FRMPD4: variants seen among roughly 807,000 people sequenced by gnomAD.
The protein encoded by FRMPD4 is FERM and PDZ domain-containing protein 4.
Under a neutral mutation model 94.1 loss-of-function variants are expected in FRMPD4, and 22 were observed. That is an observed-to-expected ratio of 0.23 (90% confidence interval 0.17 to 0.33). The LOEUF (loss-of-function observed/expected upper bound fraction) is 0.33. Among genes scored for constraint, FRMPD4 ranks in the 10% least tolerant of loss-of-function variants. The pLI, the probability that FRMPD4 is intolerant of heterozygous loss-of-function variation, is 1.00. For missense variants in FRMPD4, 1,111 were observed against 1,339.9 expected (o/e 0.83, Z 2.67); for synonymous variants, 631 against 548.6 (o/e 1.15, Z -2.10).
chrX:12,246,052 CT>C (rs1288529447), intron 1 of FRMPD4, among the ~76,000 whole-genome samples: 1 of 111,911 alleles, frequency 8.9e-6, no homozygotes, highest in South Asian at 3.8e-4. Context: ...GTTCCAGTAT[CT>C]TCTGCTTCAA....
chrX:12,039,187 TA>T (rs775160512), intron 3 of FRMPD4, among the ~76,000 whole-genome samples: 65 of 109,029 alleles, frequency 6.0e-4, no homozygotes, highest in Non-Finnish European at 8.8e-4. Flanking sequence ...TATTATTTTT[TA>T]TTTTTGCATT....
At position 12,721,297 on chromosome X, in the gene FRMPD4, T is replaced by G; in HGVS notation, c.4728T>G (p.Asp1576Glu). The G allele has an allele frequency of 1.3e-6, 1 of 755,406 alleles. No homozygotes were observed. The highest frequency in any genetic ancestry group is 1.6e-6 in the Non-Finnish European group (1 of 638,748). The allele number at this position is 755,406 out of a possible 1,213,427, so 62.3% of individuals were successfully genotyped here. The change falls in exon 17 of 17, where the codon GAT (aspartate) becomes GAG (glutamate). Residue 1576 changes from aspartate to glutamate, a missense_variant. Asp to Glu is a conservative substitution (Grantham distance 45). Around this residue, in one of 8 missense-constraint regions of FRMPD4, gnomAD observed 551 missense variants for 591.6 expected, o/e 0.93. Transcript: ENST00000675598. ...GGGCAGAAGACCTGCGAGACCCAGA[T>G]GACTTGGACTTCAGCAACCTGGCTT... ...KVWAEDLRDP[D>E]DLDFSNLAFD...
intron 3 of FRMPD4, among the ~76,000 whole-genome samples, chrX:11,908,690 G>A (rs1004728567): frequency 1.3e-4 from 14 of 111,778 alleles, no homozygotes; most frequent in Admixed American, 9.4e-4. Context: ...GAATACCACA[G>A]ACACGACCAT....
chrX:12,024,034 C>G (rs1283820216), intron 3 of FRMPD4, among the ~76,000 whole-genome samples: 4 of 111,531 alleles, frequency 3.6e-5, no homozygotes, highest in Non-Finnish European at 7.5e-5. Flanking sequence ...TTTACTTCTC[C>G]TTTCTTTGTA....
intron 3 of FRMPD4, among the ~76,000 whole-genome samples, chrX:11,963,844 G>A (rs1346156256): frequency 9.0e-6 from 1 of 111,496 alleles, no homozygotes; most frequent in Non-Finnish European, 1.9e-5. Flanking sequence ...TTGGGGGTAG[G>A]GGATTGATAG....
At chrX:12,214,545 C>A (rs1294125937) in intron 1 of FRMPD4, among the ~76,000 whole-genome samples, 1 of 112,495 alleles carries the variant, frequency 8.9e-6, no homozygotes, top group African/African-American at 3.2e-5. Flanking sequence ...TGAAAAGAGA[C>A]CTCAAGGCAA....
chrX:12,025,210 A>ATT (rs368653830), intron 3 of FRMPD4, among the ~76,000 whole-genome samples: 3 of 99,281 alleles, frequency 3.0e-5, no homozygotes, highest in African/African-American at 7.3e-5. Flanking sequence ...CTCTCTTTCC[A>ATT]TTTTTTTTTT....
At chrX:12,005,935 C>T (rs2054551220) in intron 3 of FRMPD4, among the ~76,000 whole-genome samples, 1 of 111,398 alleles carries the variant, frequency 9.0e-6, no homozygotes, top group Non-Finnish European at 1.9e-5. Context: ...ATTAGTCTCT[C>T]CCAAGATTCT....
intron 1 of FRMPD4, among the ~76,000 whole-genome samples, chrX:12,449,280 A>G (rs2057236892): frequency 8.9e-6 from 1 of 112,260 alleles, no homozygotes; most frequent in African/African-American, 3.2e-5. Context: ...AAGTTGCTCA[A>G]ACTTTTTGAT....
At chrX:11,857,283 C>T (rs2053658887) in intron 1 of FRMPD4, among the ~76,000 whole-genome samples, 1 of 111,424 alleles carries the variant, frequency 9.0e-6, no homozygotes, top group Non-Finnish European at 1.9e-5. Flanking sequence ...AAGCTGGAAG[C>T]ATCATGCTAC....
At chrX:12,548,694 G>C (rs1448916762) in intron 2 of FRMPD4, among the ~76,000 whole-genome samples, 2 of 112,024 alleles carry the variant, frequency 1.8e-5, no homozygotes, top group Non-Finnish European at 3.8e-5. Context: ...GGAACCGATA[G>C]AGAACTGGGC....
chrX:12,713,137 T>G (rs746565556), intron 14 of FRMPD4, among the ~76,000 whole-genome samples: 77 of 111,639 alleles, frequency 6.9e-4, no homozygotes, highest in Non-Finnish European at 1.2e-3. Context: ...GTTCAGCAAT[T>G]TGACACAATT....
At chrX:11,886,063 C>A (rs1158389136) in intron 3 of FRMPD4, among the ~76,000 whole-genome samples, 1 of 111,652 alleles carries the variant, frequency 9.0e-6, no homozygotes, top group Non-Finnish European at 1.9e-5. Flanking sequence ...AACCAAGGTG[C>A]CCCTGGGAGA....
chrX:11,983,596 A>T (rs1257247978), intron 3 of FRMPD4, among the ~76,000 whole-genome samples: 2 of 111,643 alleles, frequency 1.8e-5, no homozygotes, highest in Non-Finnish European at 3.8e-5. Context: ...GGATTGTTCA[A>T]TATATTTATT....
chrX:12,077,053 G>GT lies in FRMPD4; in HGVS notation c.95+199043dup, dbSNP rs761700513. Among the ~76,000 whole-genome samples, 477 of 110,692 alleles carry GT rather than the reference G, an allele frequency of 4.3e-3. 4 individuals are homozygous for GT. Among genetic ancestry groups the GT allele is most frequent in the African/African-American group, 0.014 (441 of 30,415 alleles). ...GCCAGCACCCTTTTCCTCTCATTCT[G>GT]TTTTTTTTATTAATTCATTTTTCTC... On this transcript the variant is annotated intron_variant, in intron 3 of 18. Coordinates refer to the FRMPD4 transcript ENST00000640291.
chrX:12,127,392 G>A (rs1215173645), intron 3 of FRMPD4, among the ~76,000 whole-genome samples: 1 of 111,822 alleles, frequency 8.9e-6, no homozygotes, highest in African/African-American at 3.3e-5. Context: ...GGAGAGAGAA[G>A]TGCCAAGTAA....
At chrX:11,856,278 G>C (rs1601807662) in intron 1 of FRMPD4, among the ~76,000 whole-genome samples, 1 of 111,610 alleles carries the variant, frequency 9.0e-6, no homozygotes, top group East Asian at 2.8e-4. Flanking sequence ...CAGACAAACT[G>C]TATCAAACAT....
chrX:11,851,905 A>G (rs1431349645), intron 1 of FRMPD4, among the ~76,000 whole-genome samples: 1 of 106,873 alleles, frequency 9.4e-6, no homozygotes, highest in Non-Finnish European at 1.9e-5. Context: ...TTGGGATGTG[A>G]ATTATATGCA....
intron 1 of FRMPD4, among the ~76,000 whole-genome samples, chrX:12,336,465 T>C (rs148535111): frequency 6.4e-4 from 71 of 111,600 alleles, no homozygotes; most frequent in African/African-American, 2.1e-3. Context: ...GCCTTAACTG[T>C]CCTAGACAAC....
Sources: allele counts gnomAD v4.1 joint callset (sites outside exome capture counted in the v4.1 genomes callset), GRCh38; gene constraint gnomAD v4.1.1; regional missense constraint gnomAD v4.1.1; transcripts MANE v1.5; gene names NCBI Gene and HGNC (gene_info 2026-07-23, HGNC 2026-07-21).